DAB1: variants seen among roughly 807,000 people sequenced by gnomAD.
The protein encoded by DAB1 is disabled homolog 1.
A neutral mutation model predicts 64.6 loss-of-function variants in DAB1; 15 were observed. The ratio of observed to expected loss-of-function variants is 0.23; its 90% CI spans 0.16 to 0.36. The LOEUF (loss-of-function observed/expected upper bound fraction) is 0.36, where lower values mean the gene tolerates loss of function less well. Among genes scored for constraint, DAB1 ranks in the 10% least tolerant of loss-of-function variants. The pLI is 1.00. For synonymous variants in DAB1, 235 were observed against 251.9 expected (o/e 0.93, Z 0.64); for missense variants, 596 against 706.7 (o/e 0.84, Z 1.78).
At chr1:57,588,070 C>CA (rs1345869058) in intron 7 of DAB1, among the ~76,000 whole-genome samples, 2 of 152,212 alleles carry the variant, frequency 1.3e-5, no homozygotes, top group African/African-American at 2.4e-5. Flanking sequence ...ATTAACCATT[C>CA]ACAAAGTTTG....
intron 7 of DAB1, among the ~76,000 whole-genome samples, chr1:57,568,439 A>G (rs2101526514): frequency 6.6e-6 from 1 of 152,360 alleles, no homozygotes; most frequent in South Asian, 2.1e-4. Flanking sequence ...ATCGAATTAA[A>G]CTAAAGAGCT....
chr1:57,646,499 G>A (rs988684556), intron 7 of DAB1, among the ~76,000 whole-genome samples: 1 of 152,150 alleles, frequency 6.6e-6, no homozygotes, highest in Non-Finnish European at 1.5e-5. Flanking sequence ...TGTAATTCCA[G>A]CACTTTGGGA....
chr1:58,137,224 A>G (rs1653996949), intron 5 of DAB1, among the ~76,000 whole-genome samples: 1 of 152,238 alleles, frequency 6.6e-6, no homozygotes, highest in Non-Finnish European at 1.5e-5. Flanking sequence ...CATATAAATC[A>G]TCTTATCTAA....
chr1:58,333,370 T>A (rs907420363), intron 4 of DAB1, among the ~76,000 whole-genome samples: 9 of 152,008 alleles, frequency 5.9e-5, no homozygotes, highest in Non-Finnish European at 1.2e-4. Context: ...GGAAAAAAAA[T>A]TCCTCTATTC....
At chr1:58,187,666 G>A (rs903460258) in intron 4 of DAB1, among the ~76,000 whole-genome samples, 30 of 150,870 alleles carry the variant, frequency 2.0e-4, no homozygotes, top group Middle Eastern at 3.4e-3. Flanking sequence ...TGCAACCTTC[G>A]CCTCCCAGAT....
chr1:58,506,335 G>A (rs920755330), intron 2 of DAB1: 18 of 580,100 alleles, frequency 3.1e-5, no homozygotes, highest in Admixed American at 1.5e-4. Context: ...TGTGCACAAC[G>A]TGCAGGTTTG....
chr1:57,444,395 A>G (rs868692183), intron 7 of DAB1, among the ~76,000 whole-genome samples: 4 of 152,140 alleles, frequency 2.6e-5, no homozygotes, highest in Non-Finnish European at 5.9e-5. Flanking sequence ...TATTTCCCCC[A>G]ATAGATTATA....
At chr1:57,674,428 A>C (rs1014813949) in intron 6 of DAB1, among the ~76,000 whole-genome samples, 18 of 152,192 alleles carry the variant, frequency 1.2e-4, no homozygotes, top group Non-Finnish European at 1.5e-5. Context: ...TTTGGCAAGC[A>C]CATCAGTGTT....
upstream of DAB1, among the ~76,000 whole-genome samples, chr1:57,887,542 G>A (rs1019256701): frequency 1.3e-5 from 2 of 152,206 alleles, no homozygotes; most frequent in Admixed American, 6.5e-5. Context: ...GGAGAGTTAT[G>A]TAAGGAAGTA....
chr1:57,166,902 G>A (rs1188357068), intron 2 of DAB1, among the ~76,000 whole-genome samples: 1 of 152,130 alleles, frequency 6.6e-6, no homozygotes, highest in Non-Finnish European at 1.5e-5. Flanking sequence ...TTTCAAATGT[G>A]CCTGTCTGAC....
chr1:57,250,411 C>T lies in DAB1; in HGVS notation c.67+40553G>A, dbSNP rs532222713. Among the ~76,000 whole-genome samples the T allele has an allele frequency of 3.9e-5, 6 of 152,236 alleles. No homozygotes were observed. In the South Asian group the frequency reaches 1.2e-3, roughly 32 times the overall value. On this transcript the variant is annotated intron_variant, in intron 2 of 14. Coordinates refer to ENST00000371236, the MANE Select transcript of DAB1 (RefSeq NM_001365792.1). ...TAAAAGTAAAATACTGGTGTACCTA[C>T]GCGAGGAGGTACTCCAGTCTAGGCA...
rs181248614 is a variant in DAB1 at position 57,189,349 on chromosome 1, C to A, written c.68-43920G>T. On this transcript the variant is annotated intron_variant, in intron 2 of 14. Coordinates refer to ENST00000371236, the MANE Select transcript of DAB1 (RefSeq NM_001365792.1). The stretch of plus-strand genomic sequence containing the variant: ...TTGCTGAAACCTTGGTCTTAGAGAT[C>A]CTTCTTTCCCCCAGGGAAGGTAGCA... Among the ~76,000 whole-genome samples, 188 of 152,248 alleles carry A rather than the reference C, an allele frequency of 1.2e-3. 2 individuals are homozygous for A. The highest frequency in any genetic ancestry group is 4.4e-3 in the African/African-American group (182 of 41,544).
At chr1:57,152,959 G>A (rs979251531) in intron 2 of DAB1, among the ~76,000 whole-genome samples, 11 of 152,090 alleles carry the variant, frequency 7.2e-5, no homozygotes, top group Admixed American at 2.0e-4. Flanking sequence ...TTTTGAGCAC[G>A]TAACTCTAAG....
chr1:58,335,073 G>T lies in DAB1; in HGVS notation n.309+8279C>A, dbSNP rs570251757. 2.0e-3 allele frequency among the ~76,000 whole-genome samples: 310 copies of T among 152,246 alleles called. 2 individuals carry two copies. Among genetic ancestry groups the T allele is most frequent in the African/African-American group, 7.2e-3 (301 of 41,542 alleles). On this transcript the variant is annotated intron_variant and non_coding_transcript_variant, in intron 4 of 20. Coordinates refer to the DAB1 transcript ENST00000485760. ...GTGCTATAAAGAAAACTAAAGCAGG[G>T]TAAGTAAGAGAATATCAAATGAAAT...
In DAB1 at chr1:58,160,333, C is replaced by T. The variant is rs78664829; in HGVS notation, n.310-9745G>A. ...AGCAGAGCAGAGTAGTTCCCTGTTA[C>T]CGCAGGCTGCTCTGGATAAGGAAAC... On this transcript the variant is annotated intron_variant and non_coding_transcript_variant, in intron 4 of 20. Transcript: ENST00000485760. 2.6e-5 allele frequency among the ~76,000 whole-genome samples: 4 copies of T among 152,276 alleles called. No individual in the cohort carries two copies. In the East Asian group the frequency reaches 7.7e-4, roughly 29 times the overall value.
At chr1:57,383,528 G>A (rs1681551910) in intron 1 of DAB1, among the ~76,000 whole-genome samples, 1 of 152,186 alleles carries the variant, frequency 6.6e-6, no homozygotes, top group Non-Finnish European at 1.5e-5. Flanking sequence ...ATCAGTAAGT[G>A]TAATGAAAAC....
intron 4 of DAB1, among the ~76,000 whole-genome samples, chr1:58,299,642 C>A (rs1662075778): frequency 6.6e-6 from 1 of 152,140 alleles, no homozygotes; most frequent in Non-Finnish European, 1.5e-5. Flanking sequence ...TTTCTTTTAT[C>A]TGTGATAGTG....
chr1:57,871,816 T>C (rs1353787228), intron 1 of DAB1, among the ~76,000 whole-genome samples: 1 of 152,164 alleles, frequency 6.6e-6, no homozygotes, highest in Non-Finnish European at 1.5e-5. Flanking sequence ...AGTGTATACA[T>C]GTATGGGTAT....
intron 4 of DAB1, among the ~76,000 whole-genome samples, chr1:58,296,189 AAG>A (rs1484436662): frequency 7.6e-6 from 1 of 131,770 alleles, no homozygotes; most frequent in Non-Finnish European, 1.6e-5. Context: ...AAGAAAGAGA[AAG>A]AAAGAGAAAG....
Sources: allele counts gnomAD v4.1 joint callset (sites outside exome capture counted in the v4.1 genomes callset), GRCh38; gene constraint gnomAD v4.1.1; transcripts MANE v1.5; gene names NCBI Gene and HGNC (gene_info 2026-07-23, HGNC 2026-07-21).